Variants in MMP16 observed in about 807,000 individuals in gnomAD.
MMP16 encodes matrix metalloproteinase-16.
Under a neutral mutation model 67.8 loss-of-function variants are expected in MMP16, and 12 were observed. That is an observed-to-expected ratio of 0.18 (90% confidence interval 0.11 to 0.29). MMP16 has a LOEUF of 0.29. Among genes scored for constraint, MMP16 ranks in the 10% least tolerant of loss-of-function variants. The pLI is 1.00. For synonymous variants in MMP16, 249 were observed against 255.9 expected, an observed-to-expected ratio of 0.97 and a Z score of 0.26; for missense variants, 475 against 765.7, an observed-to-expected ratio of 0.62 and a Z score of 4.48.
Position 88,177,743 on chromosome 8 carries a change from G to A in MMP16, c.404+8733C>T, listed in dbSNP as rs1304019493. ...GACAGCTCAACCTCCTTTTGCCTTC[G>A]TATATTACATAAACGAAGAAAAACA... is the stretch of plus-strand genomic sequence containing the variant. On this transcript the variant is annotated intron_variant, in intron 3 of 9. Coordinates refer to ENST00000286614, the MANE Select transcript of MMP16 (RefSeq NM_005941.5). Among the ~76,000 whole-genome samples the A allele has an allele frequency of 5.9e-5, 9 of 152,026 alleles. 1 individual carries two copies. The South Asian group carries it at 6.2e-4, about 10-fold the overall frequency.
At chr8:88,306,431 T>C (rs1811212394) in intron 1 of MMP16, among the ~76,000 whole-genome samples, 1 of 152,166 alleles carries the variant, frequency 6.6e-6, no homozygotes, top group Non-Finnish European at 1.5e-5. Flanking sequence ...TAGCTCATTT[T>C]ATGACACCAA....
At chr8:88,290,204 C>T (rs1337409347) in intron 1 of MMP16, among the ~76,000 whole-genome samples, 1 of 152,004 alleles carries the variant, frequency 6.6e-6, no homozygotes, top group Non-Finnish European at 1.5e-5. Context: ...GTTCATGTCC[C>T]CCTATGATCT....
intron 1 of MMP16, among the ~76,000 whole-genome samples, chr8:88,256,091 T>C (rs959133170): frequency 6.6e-6 from 1 of 152,176 alleles, no homozygotes; most frequent in African/African-American, 2.4e-5. Context: ...CAGCTTTTTT[T>C]CTAGGCAGTA....
intron 1 of MMP16, among the ~76,000 whole-genome samples, chr8:88,218,456 T>C (rs1809628049): frequency 6.6e-6 from 1 of 151,922 alleles, no homozygotes; most frequent in Admixed American, 6.6e-5. Flanking sequence ...ATACTTGAAA[T>C]TTGCTAGAAG....
chr8:88,072,589 T>C (rs962257761), intron 7 of MMP16, among the ~76,000 whole-genome samples: 1 of 152,024 alleles, frequency 6.6e-6, no homozygotes, highest in African/African-American at 2.4e-5. Context: ...GTTAGAGAAG[T>C]CTGGGACAAA....
intron 4 of MMP16, among the ~76,000 whole-genome samples, chr8:88,119,744 T>G (rs1245204253): frequency 6.6e-6 from 1 of 152,094 alleles, no homozygotes; most frequent in Non-Finnish European, 1.5e-5. Flanking sequence ...GCTAAAAATT[T>G]ACTTGGACAA....
At chr8:88,209,558 T>C (rs1241659420) in intron 1 of MMP16, among the ~76,000 whole-genome samples, 1 of 151,904 alleles carries the variant, frequency 6.6e-6, no homozygotes, top group East Asian at 1.9e-4. Flanking sequence ...CATGGGGATC[T>C]GTGTCCCTAA....
At chr8:88,310,495 G>C (rs1437856846) in intron 1 of MMP16, among the ~76,000 whole-genome samples, 1 of 152,030 alleles carries the variant, frequency 6.6e-6, no homozygotes, top group Non-Finnish European at 1.5e-5. Context: ...TATTGAAATG[G>C]ATCAGAAAAT....
intron 2 of MMP16, among the ~76,000 whole-genome samples, chr8:88,192,244 GCGGCTGA>G (rs1809180340): frequency 6.6e-6 from 1 of 152,250 alleles, no homozygotes; most frequent in African/African-American, 2.4e-5. Flanking sequence ...TAAAAATGTT[GCGGCTGA>G]CAGCTCATTC....
intron 6 of MMP16, among the ~76,000 whole-genome samples, chr8:88,099,496 T>C (rs1448438321): frequency 1.3e-5 from 2 of 151,906 alleles, no homozygotes; most frequent in Admixed American, 6.6e-5. Flanking sequence ...TTCAGCTATT[T>C]TGAAACATTT....
chr8:88,273,109 A>C (rs1810592225), intron 1 of MMP16, among the ~76,000 whole-genome samples: 1 of 151,064 alleles, frequency 6.6e-6, no homozygotes, highest in Non-Finnish European at 1.5e-5. Flanking sequence ...TTTGAGACAG[A>C]GTCTTGCTCT....
chr8:88,162,261 C>G (rs750134725), intron 4 of MMP16, among the ~76,000 whole-genome samples: 3 of 151,874 alleles, frequency 2.0e-5, no homozygotes. Flanking sequence ...TCAGTACTAT[C>G]AAACTTTTGA....
At chr8:88,206,990 A>G (rs1185105699) in intron 1 of MMP16, among the ~76,000 whole-genome samples, 1 of 152,212 alleles carries the variant, frequency 6.6e-6, no homozygotes, top group Non-Finnish European at 1.5e-5. Flanking sequence ...CATTAAATAC[A>G]GTGGAAAATT....
intron 1 of MMP16, among the ~76,000 whole-genome samples, chr8:88,278,980 G>A (rs1368007273): frequency 2.0e-5 from 3 of 152,100 alleles, no homozygotes; most frequent in Non-Finnish European, 4.4e-5. Context: ...ACTTGAAATA[G>A]GGCTAGTTTG....
chr8:88,161,027 G>T (rs1400700427), intron 4 of MMP16, among the ~76,000 whole-genome samples: 1 of 152,080 alleles, frequency 6.6e-6, no homozygotes, highest in African/African-American at 2.4e-5. Flanking sequence ...TTGTGTCTCT[G>T]CCAGGCTTTG....
chr8:88,318,511 T>C (rs1029678734), intron 1 of MMP16, among the ~76,000 whole-genome samples: 6 of 152,198 alleles, frequency 3.9e-5, no homozygotes, highest in Non-Finnish European at 7.4e-5. Context: ...ATGTTCGTAA[T>C]GGAACTGGAT....
At chr8:88,212,954 A>G (rs2129822675) in intron 1 of MMP16, among the ~76,000 whole-genome samples, 1 of 152,336 alleles carries the variant, frequency 6.6e-6, no homozygotes, top group East Asian at 1.9e-4. Context: ...GGGCTGAAGC[A>G]GAAAACTCTA....
intron 4 of MMP16, among the ~76,000 whole-genome samples, chr8:88,119,445 T>C (rs1309661910): frequency 1.3e-5 from 2 of 152,050 alleles, no homozygotes; most frequent in African/African-American, 4.8e-5. Context: ...AGGCTATTAG[T>C]CATACTAACT....
chr8:88,301,997 A>G (rs1452608539), intron 1 of MMP16, among the ~76,000 whole-genome samples: 1 of 152,190 alleles, frequency 6.6e-6, no homozygotes, highest in Non-Finnish European at 1.5e-5. Context: ...CATTATTATG[A>G]TGCCAGAATG....
Sources: allele counts gnomAD v4.1 joint callset (sites outside exome capture counted in the v4.1 genomes callset), GRCh38; gene constraint gnomAD v4.1.1; transcripts MANE v1.5; gene names NCBI Gene and HGNC (gene_info 2026-07-23, HGNC 2026-07-21).